The following SPIRE1 variants were observed in gnomAD, a reference collection of about 807,000 sequenced individuals.
SPIRE1 encodes the protein protein spire homolog 1.
Under a neutral mutation model 94.1 loss-of-function variants are expected in SPIRE1, and 40 were observed. The ratio of observed to expected loss-of-function variants is 0.43; its 90% CI spans 0.33 to 0.55. SPIRE1 has a LOEUF of 0.55. SPIRE1 is among the 20% of genes least tolerant of loss of function. SPIRE1 has a pLI of 0.06. For missense variants in SPIRE1, 838 were observed against 975.2 expected (o/e 0.86, Z 1.87); for synonymous variants, 376 against 371.7 (o/e 1.01, Z -0.13).
At chr18:12,464,789 C>T in intron 11 of SPIRE1, 79 bp downstream of exon 11, 1 of 1,174,954 alleles carries the variant, frequency 8.5e-7, no homozygotes, top group Non-Finnish European at 1.3e-6. Flanking sequence ...TCACAGGGCG[C>T]TCTGGGATCT....
chr18:12,573,118 A>G (rs2035999562), intron 2 of SPIRE1, among the ~76,000 whole-genome samples: 1 of 152,238 alleles, frequency 6.6e-6, no homozygotes, highest in Non-Finnish European at 1.5e-5. Flanking sequence ...GGTATCCAAA[A>G]TATAGAAAGA....
At chr18:12,515,009 T>C (rs1035648073) in intron 4 of SPIRE1, among the ~76,000 whole-genome samples, 3 of 152,076 alleles carry the variant, frequency 2.0e-5, no homozygotes, top group African/African-American at 7.2e-5. Flanking sequence ...ACAACCCTCC[T>C]TTCCTTAGAC....
chr18:12,545,103 A>C (rs547580804), intron 3 of SPIRE1, among the ~76,000 whole-genome samples: 23 of 152,376 alleles, frequency 1.5e-4, no homozygotes, highest in African/African-American at 5.3e-4. Flanking sequence ...GGTCTTCCAC[A>C]GAACAAGCTG....
chr18:12,496,094 A>C lies in SPIRE1; in HGVS notation c.981T>G (p.Gly327=). The C allele has an allele frequency of 6.2e-7, 1 of 1,612,396 alleles. No homozygotes were observed. Among genetic ancestry groups the C allele is most frequent in the Non-Finnish European group, 8.5e-7 (1 of 1,178,470 alleles). ...RYTLRKVMVN[G]DIPPRLKKSA... Reference sequence around the variant, plus strand: ...TCTTTTTTAACCGAGGGGGAATATCACCATTCACCTAAAAGGAGACAAAAA... The same window carrying C: ...TCTTTTTTAACCGAGGGGGAATATCCCCATTCACCTAAAAGGAGACAAAAA... Residue 327 remains glycine, a synonymous_variant, in exon 7 of 17, where the codon GGT becomes GGG. Transcript: ENST00000409402.
At chr18:12,500,180 T>C (rs1253115412) in intron 6 of SPIRE1, among the ~76,000 whole-genome samples, 6 of 152,166 alleles carry the variant, frequency 3.9e-5, no homozygotes, top group Non-Finnish European at 7.3e-5. Flanking sequence ...TCAGGTACAA[T>C]GTTCACTATT....
chr18:12,479,208 T>G, intron 10 of SPIRE1, among the ~76,000 whole-genome samples: 1 of 147,906 alleles, frequency 6.8e-6, no homozygotes, highest in South Asian at 2.2e-4. Flanking sequence ...AGAGTCTCAC[T>G]CTGTTGCCCA....
At chr18:12,558,182 A>G (rs8087885) in intron 2 of SPIRE1, among the ~76,000 whole-genome samples, 81,787 of 151,886 alleles carry the variant, frequency 0.54, 23,267 homozygotes, top group Middle Eastern at 0.73. Context: ...TCTTCCTTCA[A>G]ATGTTTAGAT....
chr18:12,555,555 TGAA>T (rs1212395455), intron 2 of SPIRE1, among the ~76,000 whole-genome samples: 1 of 152,144 alleles, frequency 6.6e-6, no homozygotes, highest in African/African-American at 2.4e-5. Context: ...ATCAACAGAA[TGAA>T]GGACAAAAAC....
chr18:12,554,144 C>T (rs955543222), intron 2 of SPIRE1, among the ~76,000 whole-genome samples: 3 of 151,778 alleles, frequency 2.0e-5, no homozygotes, highest in Non-Finnish European at 4.4e-5. Flanking sequence ...ACTAAAAATA[C>T]AAAAATTAGC....
chr18:12,597,126 A>G (rs1487275545), intron 2 of SPIRE1, among the ~76,000 whole-genome samples: 1 of 150,070 alleles, frequency 6.7e-6, no homozygotes, highest in Admixed American at 6.7e-5. Flanking sequence ...CTATTCACGG[A>G]TTTTTGCAAC....
At position 12,535,537 on chromosome 18, in the gene SPIRE1, G is replaced by A; in HGVS notation, c.668C>T (p.Ala223Val). Residue 223 changes from alanine to valine, a missense_variant, in exon 4 of 17, where the codon GCA (alanine) becomes GTA (valine). By Grantham distance (64) the Ala-to-Val change is moderately conservative. This residue lies in a region of SPIRE1 where 645 missense variants were observed against 804.7 expected (regional missense o/e 0.80). Coordinates refer to ENST00000409402, the MANE Select transcript of SPIRE1 (RefSeq NM_001128626.2). ...GAGCTCCATTGTTTCTGCAAACAGT[G>A]CACGACATACTGCCTGATAATGATT... ...APNHYQAVCR[A>V]LFAETMELHT... 3 of 1,613,400 alleles carry A rather than the reference G, an allele frequency of 1.9e-6. No homozygotes were observed. In the South Asian group the frequency reaches 3.3e-5, roughly 18 times the overall value.
In SPIRE1 at chr18:12,629,263, T is replaced by C. The variant is rs569532389; in HGVS notation, c.372+5799A>G. Among the ~76,000 whole-genome samples the C allele has an allele frequency of 3.5e-3, 526 of 152,294 alleles. 3 individuals are homozygous for C. The highest frequency in any genetic ancestry group is 0.026 in the South Asian group (124 of 4,826). ...ATTTGGAAAGCTGGAAAAAAACCAA[T>C]GTAAAAGCCTCAATTAAAATACATG... On this transcript the variant is annotated intron_variant, in intron 2 of 16. Transcript: ENST00000409402.
intron 10 of SPIRE1, among the ~76,000 whole-genome samples, chr18:12,468,138 T>A (rs1282812387): frequency 3.3e-5 from 5 of 152,186 alleles, no homozygotes; most frequent in Non-Finnish European, 7.3e-5. Context: ...AGTGGCTCTA[T>A]AAATAAGCAA....
intron 2 of SPIRE1, among the ~76,000 whole-genome samples, chr18:12,615,015 C>G (rs2037245346): frequency 6.6e-6 from 1 of 150,758 alleles, no homozygotes; most frequent in South Asian, 2.1e-4. Flanking sequence ...ATGGTGAAAC[C>G]CTATCTCTAT....
intron 2 of SPIRE1, among the ~76,000 whole-genome samples, chr18:12,561,184 T>C (rs564134021): frequency 1.3e-5 from 2 of 152,294 alleles, no homozygotes; most frequent in South Asian, 2.1e-4. Flanking sequence ...TTTGGCTATC[T>C]TTGAATATAG....
chr18:12,594,910 A>G (rs1397338547), intron 2 of SPIRE1, among the ~76,000 whole-genome samples: 1 of 152,222 alleles, frequency 6.6e-6, no homozygotes, highest in Non-Finnish European at 1.5e-5. Context: ...ATGATGATCA[A>G]TCTCCACTTA....
Position 12,479,714 on chromosome 18 carries a change from G to C in SPIRE1, c.1389C>G (p.Asp463Glu). Residue 463 changes from aspartate (D) to glutamate (E), a missense_variant, in exon 10 of 17, where the codon GAC (aspartate) becomes GAG (glutamate). Around this residue, in one of 2 missense-constraint regions of SPIRE1, gnomAD observed 645 missense variants for 804.7 expected, o/e 0.80. Coordinates refer to ENST00000409402, the MANE Select transcript of SPIRE1 (RefSeq NM_001128626.2). The part of the protein sequence containing the change: ...LLRAPTLAEL[D>E]SSESEEETLH... ...GGGGCCTCACCTCAGACTCAGAGCT[G>C]TCCAGTTCGGCCAGAGTTGGGGCTC... 3 of 1,613,218 alleles carry C rather than the reference G, an allele frequency of 1.9e-6. No homozygotes were observed. The highest frequency in any genetic ancestry group is 2.5e-6 in the Non-Finnish European group (3 of 1,179,758).
intron 3 of SPIRE1, 98 bp downstream of exon 3, chr18:12,546,576 G>T (rs1189015416): frequency 4.4e-6 from 4 of 915,408 alleles, no homozygotes; most frequent in Admixed American, 1.8e-5. Flanking sequence ...ACTCTAGCCT[G>T]GGCGACAGAG....
At chr18:12,492,733 T>C (rs1179258013) in intron 8 of SPIRE1, among the ~76,000 whole-genome samples, 1 of 152,204 alleles carries the variant, frequency 6.6e-6, no homozygotes, top group African/African-American at 2.4e-5. Flanking sequence ...CTTCTGCCAA[T>C]GAAGAAAATG....
Sources: allele counts gnomAD v4.1 joint callset (sites outside exome capture counted in the v4.1 genomes callset), GRCh38; gene constraint gnomAD v4.1.1; regional missense constraint gnomAD v4.1.1; transcripts MANE v1.5; gene names NCBI Gene and HGNC (gene_info 2026-07-23, HGNC 2026-07-21).